The following NR1H2 variants were observed in gnomAD, a reference collection of about 807,000 sequenced individuals.
The protein encoded by NR1H2 is nuclear receptor subfamily 1 group H member 2.
A neutral mutation model predicts 51.2 loss-of-function variants in NR1H2; 33 were observed. The ratio of observed to expected loss-of-function variants is 0.64; its 90% CI spans 0.49 to 0.86. The LOEUF is 0.86. Ranked by LOEUF, NR1H2 falls within the 40% of genes least tolerant of loss-of-function variation. The pLI, the probability that NR1H2 is intolerant of heterozygous loss-of-function variation, is 0.00. For missense variants in NR1H2, 592 were observed against 639.9 expected, an observed-to-expected ratio of 0.93 and a Z score of 0.81; for synonymous variants, 310 against 264.3, an observed-to-expected ratio of 1.17 and a Z score of -1.68.
In NR1H2 at chr19:50,377,794, G is replaced by A. The variant is rs1223912327; in HGVS notation, c.105G>A (p.Pro35=). Residue 35 remains proline (P), a synonymous_variant, in exon 4 of 10, where the codon CCG becomes CCA. Transcript: ENST00000253727. ...SSSPTVKEEG[P]EPWPGGPDPD... ...CACCCACTGTAAAGGAGGAGGGTCC[G>A]GAGCCGTGGCCCGGGGGTCCGGACC... 31 of 1,610,674 alleles carry A rather than the reference G, an allele frequency of 1.9e-5. No homozygotes were observed. The highest frequency in any genetic ancestry group is 1.6e-4 in the Middle Eastern group (1 of 6,064).
chr19:50,382,557 G>A lies in NR1H2; in HGVS notation c.1338G>A (p.Lys446=), dbSNP rs1434942467. 6.2e-7 allele frequency: 1 copy of A among 1,606,114 alleles called. No individual in the cohort carries two copies. The highest frequency in any genetic ancestry group is 1.7e-5 in the Admixed American group (1 of 59,530). Residue 446 remains lysine (K), a synonymous_variant, in exon 10 of 10, where the codon AAG becomes AAA. Transcript: ENST00000253727. ...EQVFALRLQD[K]KLPPLLSEIW... ...TCTTCGCCTTGCGGCTCCAGGACAA[G>A]AAGCTGCCGCCTCTGCTGTCGGAGA...
intron 8 of NR1H2, 84 bp from the exon 9 acceptor site, chr19:50,381,882 C>T (rs2037771310): frequency 6.7e-6 from 8 of 1,197,776 alleles, no homozygotes; most frequent in Non-Finnish European, 9.4e-6. Context: ...TTCCCAGCCC[C>T]AGAGACTGTG....
In NR1H2 at chr19:50,378,448, A is replaced by G. The variant is rs1231917120; in HGVS notation, c.472+9A>G. 6.3e-7 allele frequency: 1 copy of G among 1,586,892 alleles called. No homozygotes were observed. The highest frequency in any genetic ancestry group is 1.7e-5 in the Admixed American group (1 of 58,964). On this transcript the variant is annotated intron_variant, in intron 5 of 9. Coordinates refer to ENST00000253727, the MANE Select transcript of NR1H2 (RefSeq NM_007121.7). ...AGGGATGAGGGAGCAGTGTGAGTGCAGCGGGAGGGGGCGGTGCCGGCCTGG... is the reference window on the plus strand; with the variant it reads ...AGGGATGAGGGAGCAGTGTGAGTGCGGCGGGAGGGGGCGGTGCCGGCCTGG...
chr19:50,382,715 A>G lies in NR1H2; in HGVS notation c.*113A>G, dbSNP rs1248473977. 6.3e-6 allele frequency: 7 copies of G among 1,118,368 alleles called. No homozygotes were observed. Among genetic ancestry groups the G allele is most frequent in the Middle Eastern group, 2.4e-4 (1 of 4,144 alleles). The allele number at this position is 1,118,368 out of a possible 1,614,324, so 69.3% of individuals were successfully genotyped here. On this transcript the variant is annotated 3_prime_UTR_variant, in exon 10 of 10. Transcript: ENST00000253727. ...GGCCCTGGGCCGAGCCTGTAGACCT[A>G]TCGGCTCTCATCCCTTGGGATAAGC...
At position 50,377,338 on chromosome 19, in the gene NR1H2, A is replaced by C. The variant is rs1448787356; in HGVS notation, c.-19-249A>C. The C allele has an allele frequency of 3.2e-5, 14 of 441,548 alleles. No individual in the cohort carries two copies. In the East Asian group the frequency reaches 4.1e-4, roughly 13 times the overall value. 27.4% of individuals were successfully genotyped at this position (441,548 alleles called of 1,614,324 possible). Reference sequence around the variant, plus strand: ...TACCTAGAAAAAGCAGGTGGATTGGACCTGAGGGGGCGGGGCCTACAGCAG... The same window carrying C: ...TACCTAGAAAAAGCAGGTGGATTGGCCCTGAGGGGGCGGGGCCTACAGCAG... On this transcript the variant is annotated intron_variant, in intron 2 of 9. Transcript: ENST00000253727.
Position 50,379,016 on chromosome 19 carries a change from C to T in NR1H2, c.762C>T (p.Gly254=), listed in dbSNP as rs749254373. 3.0e-5 allele frequency: 48 copies of T among 1,609,738 alleles called. No individual in the cohort carries two copies. Among genetic ancestry groups the T allele is most frequent in the Non-Finnish European group, 3.7e-5 (44 of 1,178,406 alleles). The change falls in exon 7 of 10, where the codon GGC becomes GGT. Residue 254 remains glycine (G), a synonymous_variant. Coordinates refer to ENST00000253727, the MANE Select transcript of NR1H2 (RefSeq NM_007121.7). ...DQPKVTPWPL[G]ADPQSRDARQ... ...CTGTGTCCCAGCCCTGGCCCCTGGG[C>T]GCAGACCCCCAGTCCCGAGATGCCC...
chr19:50,382,250 C>A, intron 9 of NR1H2, 76 bp downstream of exon 9: 1 of 1,398,332 alleles, frequency 7.2e-7, no homozygotes, highest in Non-Finnish European at 9.5e-7. Context: ...CTGGGTTCTG[C>A]CAGCCACACT....
chr19:50,377,562 G>A (rs776964074), intron 2 of NR1H2, 25 bp from the exon 3 acceptor site: 3 of 1,594,728 alleles, frequency 1.9e-6, no homozygotes, highest in Admixed American at 1.7e-5. Context: ...GCCCCACAAG[G>A]CTCTCAATCC....
rs778594514 is a variant in NR1H2, at chr19:50,378,544, C to G, written c.495C>G (p.Ile165Met). 6.3e-7 allele frequency: 1 copy of G among 1,582,560 alleles called. No homozygotes were observed. Among genetic ancestry groups the G allele is most frequent in the Non-Finnish European group, 8.6e-7 (1 of 1,169,528 alleles). The part of the protein sequence containing the change: ...REQCVLSEEQ[I>M]RKKKIRKQQQ... ...CAGGCGTCCTTTCTGAAGAACAGAT[C>G]CGGAAGAAGAAGATTCGGAAACAGC... Residue 165 changes from isoleucine (I) to methionine (M), a missense_variant, in exon 6 of 10, where the codon ATC becomes ATG. Physicochemically the swap from Ile to Met is conservative, Grantham distance 10. Transcript: ENST00000253727.
rs2037694478 is a variant in NR1H2, at chr19:50,377,879, G to A, written c.181+9G>A. On this transcript the variant is annotated intron_variant, in intron 4 of 9. Coordinates refer to ENST00000253727, the MANE Select transcript of NR1H2 (RefSeq NM_007121.7). Reference sequence around the variant, plus strand: ...CTGCAGCACAGACTGGGGTGAGACAGGGCCCTGGAGTTGATGTGGGGGCTT... The same window carrying A: ...CTGCAGCACAGACTGGGGTGAGACAAGGCCCTGGAGTTGATGTGGGGGCTT... 1 of 1,536,762 alleles carries A rather than the reference G, an allele frequency of 6.5e-7. No individual in the cohort carries two copies. Among genetic ancestry groups the A allele is most frequent in the Admixed American group, 2.2e-5 (1 of 45,420 alleles).
intron 8 of NR1H2, among the ~76,000 whole-genome samples, chr19:50,380,801 A>G (rs954720883): frequency 3.3e-5 from 5 of 151,520 alleles, no homozygotes; most frequent in Non-Finnish European, 7.4e-5. Flanking sequence ...CGGGAATCCC[A>G]CCCTACCCCT....
At chr19:50,381,853 C>T (rs965798864) in intron 8 of NR1H2, 113 bp from the exon 9 acceptor site, 6 of 898,222 alleles carry the variant, frequency 6.7e-6, no homozygotes, top group Admixed American at 2.7e-5. Flanking sequence ...ATGACAAGAA[C>T]GCTGTAATTA....
Position 50,381,950 on chromosome 19 carries a change from G to T in NR1H2, c.1028-16G>T. On this transcript the variant is annotated splice_polypyrimidine_tract_variant and intron_variant, in intron 8 of 9. Coordinates refer to ENST00000253727, the MANE Select transcript of NR1H2 (RefSeq NM_007121.7). ...TTTCGGGCTGAGGGAGTCACGGGCTGCCTCCCGCCCCGCAGGCCTGCAGGT... is the reference window on the plus strand; with the variant it reads ...TTTCGGGCTGAGGGAGTCACGGGCTTCCTCCCGCCCCGCAGGCCTGCAGGT... The T allele has an allele frequency of 6.5e-7, 1 of 1,543,420 alleles. No individual in the cohort carries two copies.
At chr19:50,377,468 G>A (rs1601138414) in intron 2 of NR1H2, 119 bp from the exon 3 acceptor site, 3 of 720,932 alleles carry the variant, frequency 4.2e-6, no homozygotes, top group East Asian at 3.0e-5. Flanking sequence ...CAGGGTTGTG[G>A]CTGAGAGTAG....
intron 7 of NR1H2, 34 bp downstream of exon 7, chr19:50,379,215 GAT>G (rs766354423): frequency 6.3e-7 from 1 of 1,588,736 alleles, no homozygotes. Context: ...GAACCCCAGA[GAT>G]AGCTCCAGGA....
At chr19:50,377,504 G>A in intron 2 of NR1H2, 83 bp from the exon 3 acceptor site, 2 of 1,089,900 alleles carry the variant, frequency 1.8e-6, no homozygotes, top group South Asian at 1.5e-5. Flanking sequence ...GGAAAAAAAA[G>A]GGAAAGCCCT....
Position 50,378,299 on chromosome 19 carries a change from T to A in NR1H2, c.332T>A (p.Phe111Tyr), listed in dbSNP as rs980912277. 1.2e-6 allele frequency: 2 copies of A among 1,613,362 alleles called. No homozygotes were observed. Among genetic ancestry groups the A allele is most frequent in the Non-Finnish European group, 1.7e-6 (2 of 1,180,022 alleles). ...VLSCEGCKGFFRRSVVRGGAR... is the reference protein window; with the variant it reads ...VLSCEGCKGFYRRSVVRGGAR... Reference sequence around the variant, plus strand: ...AGCTGCGAAGGCTGCAAGGGCTTCTTCCGGCGCAGTGTGGTCCGTGGTGGG... The same window carrying A: ...AGCTGCGAAGGCTGCAAGGGCTTCTACCGGCGCAGTGTGGTCCGTGGTGGG... Residue 111 changes from phenylalanine to tyrosine, a missense_variant, in exon 5 of 10, where the codon TTC (phenylalanine) becomes TAC (tyrosine). By Grantham distance (22) the Phe-to-Tyr change is conservative. This residue lies in a region of NR1H2 where 316 missense variants were observed against 313.4 expected (regional missense o/e 1.01). Coordinates refer to ENST00000253727, the MANE Select transcript of NR1H2 (RefSeq NM_007121.7).
At chr19:50,377,218 C>T (rs11880305) in intron 2 of NR1H2, 79,988 of 209,842 alleles carry the variant, frequency 0.38, 17,055 homozygotes, top group African/African-American at 0.59. Context: ...ATGCTTGGGG[C>T]AGAAGTGAGG....
chr19:50,382,340 G>T (rs2037786068), intron 9 of NR1H2, 116 bp from the exon 10 acceptor site: 2 of 1,410,130 alleles, frequency 1.4e-6, no homozygotes, highest in African/African-American at 1.4e-5. Flanking sequence ...ACAGAGGCGG[G>T]CCCCACGCTG....
Sources: gnomAD v4.1 joint callset for allele counts (sites outside exome capture counted in the v4.1 genomes callset) on GRCh38, gnomAD v4.1.1 for gene constraint, gnomAD v4.1.1 regional missense constraint, MANE v1.5 for transcripts, NCBI Gene and HGNC (gene_info 2026-07-23, HGNC 2026-07-21) for gene names.